Variants in PCDHGA7 observed in about 807,000 individuals in gnomAD.
PCDHGA7 encodes protocadherin gamma subfamily A, 7, also known as protocadherin gamma-A7.
PCDHGA7 carries 44 observed loss-of-function variants against 58.3 expected under a neutral mutation model. That is an observed-to-expected ratio of 0.75 (90% CI 0.59 to 0.97). PCDHGA7 has a LOEUF of 0.97. Ranked by LOEUF, PCDHGA7 falls within the 50% of genes least tolerant of loss-of-function variation. The probability of loss-of-function intolerance (pLI) is 0.00; values close to 1 mark genes in which losing one functional copy is unlikely to be tolerated. For missense variants in PCDHGA7, 1,266 were observed against 1,188.7 expected (o/e 1.06, Z -0.96); for synonymous variants, 516 against 504.2 (o/e 1.02, Z -0.31).
intron 1 of PCDHGA7, chr5:141,428,158 G>A: frequency 6.3e-7 from 1 of 1,577,728 alleles, no homozygotes; most frequent in Non-Finnish European, 8.7e-7. Context: ...GGAACCTGCT[G>A]GTTGCTGTGC....
intron 1 of PCDHGA7, chr5:141,385,778 T>C (rs2150299874): frequency 6.2e-6 from 1 of 161,798 alleles, no homozygotes; most frequent in East Asian, 1.9e-4. Context: ...TGCCTCCATG[T>C]ACCTCAGCTT....
At chr5:141,418,328 G>A (rs1298044571) in intron 1 of PCDHGA7, 1 of 1,614,002 alleles carries the variant, frequency 6.2e-7, no homozygotes, top group Non-Finnish European at 8.5e-7. Flanking sequence ...TCTTGAGTCT[G>A]CAGAAGATCC....
At chr5:141,398,983 C>T (rs2093734558) in intron 1 of PCDHGA7, 1 of 1,613,944 alleles carries the variant, frequency 6.2e-7, no homozygotes. Context: ...CAGAACCGGG[C>T]AAATCTTTAG....
intron 1 of PCDHGA7, among the ~76,000 whole-genome samples, chr5:141,449,909 A>G (rs2098658849): frequency 6.6e-6 from 1 of 151,828 alleles, no homozygotes; most frequent in Non-Finnish European, 1.5e-5. Context: ...TATAGTCCAT[A>G]TTTAAATTCT....
chr5:141,409,961 C>G (rs538942740), intron 1 of PCDHGA7: 26 of 1,613,442 alleles, frequency 1.6e-5, no homozygotes, highest in Admixed American at 8.3e-5. Context: ...GCCCGGCTAC[C>G]TAGTGACTAA....
intron 1 of PCDHGA7, among the ~76,000 whole-genome samples, chr5:141,464,197 G>A (rs1216682352): frequency 3.3e-5 from 5 of 151,394 alleles, no homozygotes; most frequent in African/African-American, 9.7e-5. Context: ...TTCAGGAGGC[G>A]GAGATTGCAG....
chr5:141,389,837 A>C, intron 1 of PCDHGA7: 2 of 1,613,842 alleles, frequency 1.2e-6, no homozygotes, highest in South Asian at 2.2e-5. Context: ...GACAGCCACC[A>C]CTCTCGGCCA....
chr5:141,471,254 T>A (rs1043647138), intron 1 of PCDHGA7: 1 of 151,828 alleles, frequency 6.6e-6, no homozygotes, highest in African/African-American at 2.4e-5. Flanking sequence ...TTTCACCATG[T>A]TGGCAAGGCT....
chr5:141,478,202 C>T, intron 1 of PCDHGA7: 1 of 1,614,074 alleles, frequency 6.2e-7, no homozygotes, highest in Non-Finnish European at 8.5e-7. Flanking sequence ...TTATCTACTT[C>T]TTTCTCTAAT....
At chr5:141,482,570 C>A (rs2099568543) in intron 1 of PCDHGA7, among the ~76,000 whole-genome samples, 1 of 144,954 alleles carries the variant, frequency 6.9e-6, no homozygotes, top group African/African-American at 2.6e-5. Context: ...ATCTGCATAG[C>A]ATAAGATGCA....
rs1257933448 is a variant in PCDHGA7, at chr5:141,490,285, G to C, written c.2425-4522G>C. 3 of 1,614,106 alleles carry C rather than the reference G, an allele frequency of 1.9e-6. No homozygotes were observed. In the African/African-American group the frequency reaches 4.0e-5, roughly 22 times the overall value. On this transcript the variant is annotated intron_variant, in intron 1 of 3. Coordinates refer to ENST00000518325, the MANE Select transcript of PCDHGA7 (RefSeq NM_018920.4). This position sits in a 1 kb window ranked among gnomAD's most constrained non-coding sequence, Gnocchi z 5.4. ...GGGGGATGTCAATGACAATGCCCCAGAGGTGCTATTGGCCTCTTTGGCCAA... is the reference window on the plus strand; with the variant it reads ...GGGGGATGTCAATGACAATGCCCCACAGGTGCTATTGGCCTCTTTGGCCAA...
At chr5:141,464,096 C>T (rs2099075769) in intron 1 of PCDHGA7, among the ~76,000 whole-genome samples, 1 of 152,016 alleles carries the variant, frequency 6.6e-6, no homozygotes, top group African/African-American at 2.4e-5. Context: ...GAAACTCCGT[C>T]TCTACTAAAA....
rs1018384314 is a variant in PCDHGA7 at position 141,490,427 on chromosome 5, A to G, written c.2425-4380A>G. On this transcript the variant is annotated intron_variant, in intron 1 of 3. Coordinates refer to ENST00000518325, the MANE Select transcript of PCDHGA7 (RefSeq NM_018920.4). This position sits in a 1 kb window ranked among gnomAD's most constrained non-coding sequence, Gnocchi z 5.4. ...GATATCTCTCCGGACCTGCCATTTCAGATTAAGCCTTCTGAGAACCACTAC... is the reference window on the plus strand; with the variant it reads ...GATATCTCTCCGGACCTGCCATTTCGGATTAAGCCTTCTGAGAACCACTAC... 6.2e-7 allele frequency: 1 copy of G among 1,614,092 alleles called. No individual in the cohort carries two copies.
chr5:141,507,495 G>T (rs375483743), intron 3 of PCDHGA7, among the ~76,000 whole-genome samples: 2 of 152,234 alleles, frequency 1.3e-5, no homozygotes, highest in Non-Finnish European at 2.9e-5. Context: ...AGGCAGAGCT[G>T]TCCCAGGTCT....
chr5:141,399,419 G>A, intron 1 of PCDHGA7: 1 of 1,614,000 alleles, frequency 6.2e-7, no homozygotes, highest in East Asian at 2.2e-5. Flanking sequence ...CTCTCCTCCA[G>A]CATAAGCGTC....
At chr5:141,388,558 C>G in intron 1 of PCDHGA7, 1 of 1,613,910 alleles carries the variant, frequency 6.2e-7, no homozygotes, top group Non-Finnish European at 8.5e-7. Context: ...CTAAGCAGCA[C>G]TGCACAGATA....
Position 141,415,740 on chromosome 5 carries a change from G to GTTTTTT in PCDHGA7, c.2424+30444_2424+30449dup, listed in dbSNP as rs57426385. ...TGAGTAGAATTTGATGTTTATTAAGGTTTTTTTTTTTTTTTTTTTTTTTTT... is the reference window on the plus strand; with the variant it reads ...TGAGTAGAATTTGATGTTTATTAAGGTTTTTTTTTTTTTTTTTTTTTTTTTTTTTTT... On this transcript the variant is annotated intron_variant, in intron 1 of 3. Transcript: ENST00000518325. 6.6e-4 allele frequency: 412 copies of GTTTTTT among 624,836 alleles called. 3 individuals carry two copies. The highest frequency in any genetic ancestry group is 1.2e-3 in the African/African-American group (49 of 39,912). The allele number at this position is 624,836 out of a possible 1,614,324, so 38.7% of individuals were successfully genotyped here.
chr5:141,425,523 T>C (rs1260519939), intron 1 of PCDHGA7, among the ~76,000 whole-genome samples: 1 of 152,248 alleles, frequency 6.6e-6, no homozygotes, highest in Admixed American at 6.5e-5. Flanking sequence ...TGATGAAACA[T>C]GAAACAATAA....
At chr5:141,498,967 GGGAGGGAA>G (rs1395523211) in intron 2 of PCDHGA7, among the ~76,000 whole-genome samples, 34 of 129,670 alleles carry the variant, frequency 2.6e-4, no homozygotes, top group Admixed American at 1.5e-3. Flanking sequence ...GAGGGAGGGA[GGGAGGGAA>G]GGAAGGAAGG....
Sources: gnomAD v4.1 joint callset for allele counts (sites outside exome capture counted in the v4.1 genomes callset) on GRCh38, gnomAD v4.1.1 for gene constraint, Gnocchi (gnomAD v3.1) non-coding constraint, MANE v1.5 for transcripts, NCBI Gene and HGNC (gene_info 2026-07-23, HGNC 2026-07-21) for gene names.